The following GRIK2 variants were observed in gnomAD, a reference collection of about 807,000 sequenced individuals.
The protein encoded by GRIK2 is glutamate receptor ionotropic, kainate 2.
Under a neutral mutation model 100.3 loss-of-function variants are expected in GRIK2, and 32 were observed. The observed-to-expected ratio is 0.32, with a 90% CI of 0.24 to 0.43. The LOEUF (loss-of-function observed/expected upper bound fraction) is 0.43, where lower values mean the gene tolerates loss of function less well. Among genes scored for constraint, GRIK2 ranks in the 20% least tolerant of loss-of-function variants. The probability of loss-of-function intolerance (pLI) is 1.00; values close to 1 mark genes in which losing one functional copy is unlikely to be tolerated. For synonymous variants in GRIK2, 417 were observed against 389.4 expected, an observed-to-expected ratio of 1.07 and a Z score of -0.83; for missense variants, 843 against 1,114.9, an observed-to-expected ratio of 0.76 and a Z score of 3.47.
At chr6:101,793,983 C>T (rs532871881) in intron 7 of GRIK2, among the ~76,000 whole-genome samples, 34 of 152,234 alleles carry the variant, frequency 2.2e-4, no homozygotes, top group South Asian at 1.9e-3. Flanking sequence ...TAGCAATCAG[C>T]GAGACTCCAT....
chr6:101,729,843 G>T (rs868480321), intron 7 of GRIK2, among the ~76,000 whole-genome samples: 5 of 151,796 alleles, frequency 3.3e-5, no homozygotes, highest in African/African-American at 1.2e-4. Flanking sequence ...TAGAACATTT[G>T]GACTTTTTAA....
intron 2 of GRIK2, among the ~76,000 whole-genome samples, chr6:101,602,213 T>C: frequency 6.6e-6 from 1 of 151,616 alleles, no homozygotes; most frequent in Admixed American, 6.6e-5. Context: ...TGTAGTTATT[T>C]ATTTCTGTAT....
intron 16 of GRIK2, among the ~76,000 whole-genome samples, chr6:102,064,628 C>T (rs1028819820): frequency 6.0e-5 from 9 of 150,906 alleles, no homozygotes; most frequent in Non-Finnish European, 8.9e-5. Context: ...CAATTTGTCT[C>T]TACTTAATGA....
chr6:101,395,302 A>G (rs1210775290), intron 1 of GRIK2, among the ~76,000 whole-genome samples: 2 of 152,034 alleles, frequency 1.3e-5, no homozygotes, highest in Non-Finnish European at 2.9e-5. Context: ...TTACTATAAG[A>G]TGAGGTTTTT....
In GRIK2 at chr6:101,481,702, T is replaced by C. The variant is rs142031170; in HGVS notation, c.115+82310T>C. 5.4e-3 allele frequency among the ~76,000 whole-genome samples: 823 copies of C among 152,262 alleles called. 15 individuals are homozygous for C. In the East Asian group the frequency reaches 0.062, roughly 12 times the overall value. On this transcript the variant is annotated intron_variant, in intron 2 of 16. Transcript: ENST00000369134. ...ATTAACCTAAGAAGTATTTTAAATA[T>C]ATTTTGCCATGTAGAAGTGCTTGGT...
At chr6:101,978,216 C>T (rs1200379018) in intron 14 of GRIK2, among the ~76,000 whole-genome samples, 1 of 151,828 alleles carries the variant, frequency 6.6e-6, no homozygotes, top group Non-Finnish European at 1.5e-5. Flanking sequence ...GTCTGTATAT[C>T]ACAGGTGTTT....
intron 14 of GRIK2, among the ~76,000 whole-genome samples, chr6:102,031,035 CTCT>C (rs1212918609): frequency 6.7e-6 from 1 of 148,168 alleles, no homozygotes; most frequent in East Asian, 2.0e-4. Context: ...CAACCTAAAC[CTCT>C]TCTTTTTATA....
chr6:101,602,716 G>A (rs1032672295), intron 2 of GRIK2, among the ~76,000 whole-genome samples: 10 of 151,482 alleles, frequency 6.6e-5, no homozygotes, highest in African/African-American at 2.4e-4. Context: ...TTTTGTACCT[G>A]CACCCTTCCT....
intron 2 of GRIK2, among the ~76,000 whole-genome samples, chr6:101,564,107 A>T (rs1562229024): frequency 6.6e-6 from 1 of 152,210 alleles, no homozygotes; most frequent in African/African-American, 2.4e-5. Flanking sequence ...TCATTAGGCT[A>T]ATTGCTAGAA....
chr6:101,550,179 A>G lies in GRIK2; in HGVS notation c.116-71770A>G, dbSNP rs970899103. Among the ~76,000 whole-genome samples, 12 of 152,336 alleles carry G rather than the reference A, an allele frequency of 7.9e-5. No individual in the cohort carries two copies. The South Asian group carries it at 8.3e-4, about 11-fold the overall frequency. On this transcript the variant is annotated intron_variant, in intron 2 of 16. Coordinates refer to ENST00000369134, the MANE Select transcript of GRIK2 (RefSeq NM_021956.5). Reference sequence around the variant, plus strand: ...ATAGGAGACCTTAATTTTTATTTCAATTAGTAACATTGAAATACATTAAAC... The same window carrying G: ...ATAGGAGACCTTAATTTTTATTTCAGTTAGTAACATTGAAATACATTAAAC...
At chr6:101,595,698 A>ATATGTGTGTG (rs371343225) in intron 2 of GRIK2, among the ~76,000 whole-genome samples, 1 of 136,720 alleles carries the variant, frequency 7.3e-6, no homozygotes, top group African/African-American at 2.8e-5. Flanking sequence ...GTATATATAT[A>ATATGTGTGTG]TGTGTGTGTG....
chr6:101,802,335 A>G lies in GRIK2; in HGVS notation c.1100A>G (p.His367Arg), dbSNP rs987485885. The part of the protein sequence containing the change: ...TRFMSLIKEA[H>R]WEGLTGRITF... ...AATGTTTTTCTATTCCCATAGGCAC[A>G]TTGGGAAGGCCTCACAGGCAGAATA... Residue 367 changes from histidine to arginine, a missense_variant, in exon 9 of 17, where the codon CAT becomes CGT. Transcript: ENST00000369134. 6.7e-7 allele frequency: 1 copy of G among 1,483,656 alleles called. No individual in the cohort carries two copies. The allele number at this position is 1,483,656 out of a possible 1,614,324, so 91.9% of individuals were successfully genotyped here.
intron 2 of GRIK2, among the ~76,000 whole-genome samples, chr6:101,458,367 C>G (rs969297323): frequency 6.6e-6 from 1 of 152,172 alleles, no homozygotes; most frequent in Admixed American, 6.5e-5. Flanking sequence ...TGGGAATACA[C>G]ATTCTTTTAA....
At chr6:101,803,932 A>G (rs1358065941) in intron 9 of GRIK2, among the ~76,000 whole-genome samples, 2 of 151,876 alleles carry the variant, frequency 1.3e-5, no homozygotes, top group East Asian at 3.9e-4. Context: ...GGTTGCTCTG[A>G]GATTTCATAA....
intron 2 of GRIK2, among the ~76,000 whole-genome samples, chr6:101,408,667 T>G (rs1266241045): frequency 6.6e-6 from 1 of 152,090 alleles, no homozygotes; most frequent in Non-Finnish European, 1.5e-5. Context: ...GTCTTTTCAC[T>G]CTATTCAGGC....
rs1236395290 is a variant in GRIK2, at chr6:101,786,426, G to T, written c.952-13222G>T. ...CTTTTTCCCATACATTATGTTATTT[G>T]TAGGTGTGTCATATATGGCCTGTGT... On this transcript the variant is annotated intron_variant, in intron 7 of 16. Transcript: ENST00000369134. Among the ~76,000 whole-genome samples, 5 of 151,984 alleles carry T rather than the reference G, an allele frequency of 3.3e-5. No homozygotes were observed. The East Asian group carries it at 9.6e-4, about 29-fold the overall frequency.
intron 2 of GRIK2, among the ~76,000 whole-genome samples, chr6:101,424,123 T>G (rs1388461040): frequency 6.6e-6 from 1 of 152,130 alleles, no homozygotes; most frequent in African/African-American, 2.4e-5. Context: ...TCATAACAAG[T>G]GCTATGAATC....
chr6:101,971,880 G>A (rs9498772), intron 14 of GRIK2, among the ~76,000 whole-genome samples: 2,481 of 151,942 alleles, frequency 0.016, 72 homozygotes, highest in African/African-American at 0.058. Flanking sequence ...AATTCACCGA[G>A]GATTATGGCC....
rs1770024124 is a variant in GRIK2, at chr6:102,031,979, C to G, written c.2086-3362C>G. ...TCAATCTCTGAACTGGGCTGAAACT[C>G]TGGAGAGTTTTAAAGGATGGTTTGG... On this transcript the variant is annotated intron_variant, in intron 14 of 16. Coordinates refer to ENST00000369134, the MANE Select transcript of GRIK2 (RefSeq NM_021956.5). 2.0e-5 allele frequency among the ~76,000 whole-genome samples: 3 copies of G among 151,226 alleles called. 1 individual carries two copies. The South Asian group carries it at 6.2e-4, about 31-fold the overall frequency.
Sources: gnomAD v4.1 joint callset for allele counts (sites outside exome capture counted in the v4.1 genomes callset) on GRCh38, gnomAD v4.1.1 for gene constraint, MANE v1.5 for transcripts, NCBI Gene and HGNC (gene_info 2026-07-23, HGNC 2026-07-21) for gene names.